CFAP61: variants seen among roughly 807,000 people sequenced by gnomAD.
CFAP61 encodes the protein cilia- and flagella-associated protein 61.
A neutral mutation model predicts 135.6 loss-of-function variants in CFAP61; 107 were observed. The ratio of observed to expected loss-of-function variants is 0.79; its 90% confidence interval spans 0.67 to 0.93. The LOEUF (loss-of-function observed/expected upper bound fraction) is 0.93, where lower values mean the gene tolerates loss of function less well. CFAP61 is among the 40% of genes least tolerant of loss of function. The pLI is 0.00. For synonymous variants in CFAP61, 575 were observed against 578.5 expected (o/e 0.99, Z 0.09); for missense variants, 1,507 against 1,556.2 (o/e 0.97, Z 0.53).
At chr20:20,350,925 T>A (rs943700663) in intron 26 of CFAP61, among the ~76,000 whole-genome samples, 2 of 151,900 alleles carry the variant, frequency 1.3e-5, no homozygotes, top group African/African-American at 4.8e-5. Context: ...ATAAAAAACC[T>A]CTCAACAATT....
chr20:20,327,430 A>G (rs192627185), intron 25 of CFAP61, among the ~76,000 whole-genome samples: 9 of 152,272 alleles, frequency 5.9e-5, no homozygotes, highest in Admixed American at 5.9e-4. Context: ...AGGAACATTA[A>G]TGCACCTTCT....
intron 21 of CFAP61, among the ~76,000 whole-genome samples, chr20:20,268,743 T>A (rs2053021893): frequency 6.6e-6 from 1 of 152,172 alleles, no homozygotes; most frequent in Non-Finnish European, 1.5e-5. Flanking sequence ...CGATACATTA[T>A]AACAATTTAT....
intron 20 of CFAP61, among the ~76,000 whole-genome samples, chr20:20,257,656 A>G (rs2051746966): frequency 6.6e-6 from 1 of 151,906 alleles, no homozygotes; most frequent in Non-Finnish European, 1.5e-5. Context: ...AGAAAGAAAG[A>G]AAATATAGAA....
chr20:20,173,423 A>T (rs1186693163), intron 13 of CFAP61, among the ~76,000 whole-genome samples: 1 of 152,176 alleles, frequency 6.6e-6, no homozygotes, highest in African/African-American at 2.4e-5. Context: ...CCGCTGCTAC[A>T]CACCCTTGCC....
intron 25 of CFAP61, among the ~76,000 whole-genome samples, chr20:20,318,520 G>C (rs2057266229): frequency 1.3e-5 from 2 of 152,190 alleles, no homozygotes; most frequent in African/African-American, 2.4e-5. Context: ...TGCAGGGCTG[G>C]CACCGGAGGC....
chr20:20,309,708 CA>C (rs111689188), intron 25 of CFAP61, among the ~76,000 whole-genome samples: 108 of 147,632 alleles, frequency 7.3e-4, no homozygotes, highest in Non-Finnish European at 1.2e-3. Flanking sequence ...GAAGATTGGC[CA>C]AAAAAAAAAT....
Position 20,200,756 on chromosome 20 carries a change from G to A in CFAP61, c.1932+854G>A, listed in dbSNP as rs142652021. ...GGAGCTGCCCCTCAGAGCTGGAGACGATGCTGAAATAAACACCTCGCAATA... is the reference window on the plus strand; with the variant it reads ...GGAGCTGCCCCTCAGAGCTGGAGACAATGCTGAAATAAACACCTCGCAATA... On this transcript the variant is annotated intron_variant, in intron 17 of 26. Coordinates refer to ENST00000245957, the MANE Select transcript of CFAP61 (RefSeq NM_015585.4). 2,327 of 985,382 alleles carry A rather than the reference G, an allele frequency of 2.4e-3. 5 individuals are homozygous for A. The highest frequency in any genetic ancestry group is 4.9e-3 in the Admixed American group (79 of 16,280). The allele number at this position is 985,382 out of a possible 1,614,324, so 61.0% of individuals were successfully genotyped here. A position where few individuals can be genotyped will look rare whatever the true frequency, so the allele number is the denominator to read the frequency against.
intron 25 of CFAP61, among the ~76,000 whole-genome samples, chr20:20,308,038 C>T (rs368591879): frequency 1.2e-4 from 18 of 152,316 alleles, no homozygotes; most frequent in African/African-American, 4.3e-4. Context: ...AACATTGTTT[C>T]ATGCATTGTC....
chr20:20,254,615 A>C (rs2051367252), intron 20 of CFAP61, among the ~76,000 whole-genome samples: 1 of 152,220 alleles, frequency 6.6e-6, no homozygotes, highest in Non-Finnish European at 1.5e-5. Context: ...GTGGTACAGA[A>C]AGGGCAGCTG....
chr20:20,166,050 A>G (rs974566148), intron 11 of CFAP61, among the ~76,000 whole-genome samples: 1 of 152,246 alleles, frequency 6.6e-6, no homozygotes, highest in African/African-American at 2.4e-5. Context: ...AACAGATAAA[A>G]GGGAAACAGA....
chr20:20,160,093 G>A (rs1352442118), intron 10 of CFAP61, among the ~76,000 whole-genome samples: 1 of 152,214 alleles, frequency 6.6e-6, no homozygotes, highest in Non-Finnish European at 1.5e-5. Flanking sequence ...TGTGAACCCT[G>A]CTCAGGATCT....
At chr20:20,239,825 A>G (rs557677942) in intron 18 of CFAP61, among the ~76,000 whole-genome samples, 12 of 152,330 alleles carry the variant, frequency 7.9e-5, no homozygotes, top group African/African-American at 2.2e-4. Context: ...AGAGGTTTCC[A>G]GTAGCTGTGT....
At chr20:20,118,293 C>A (rs1280914064) in intron 8 of CFAP61, among the ~76,000 whole-genome samples, 3 of 104,970 alleles carry the variant, frequency 2.9e-5, no homozygotes, top group African/African-American at 1.0e-4. Flanking sequence ...TTCTTTCTTT[C>A]TTTCTTTCTT....
intron 6 of CFAP61, among the ~76,000 whole-genome samples, chr20:20,081,224 G>T (rs1304579612): frequency 6.6e-6 from 1 of 152,100 alleles, no homozygotes; most frequent in East Asian, 1.9e-4. Context: ...AATTCCAAAG[G>T]ATTGGGCAGG....
At chr20:20,298,029 G>A (rs2055775130) in intron 24 of CFAP61, 152 bp from the exon 25 acceptor site, 2 of 605,814 alleles carry the variant, frequency 3.3e-6, no homozygotes, top group East Asian at 2.8e-5. Flanking sequence ...GTCACCTTCT[G>A]CCGAGTTTAG....
intron 21 of CFAP61, among the ~76,000 whole-genome samples, chr20:20,276,496 G>A (rs183187663): frequency 7.4e-4 from 113 of 152,306 alleles, no homozygotes; most frequent in Admixed American, 1.6e-3. Flanking sequence ...AATGTAAATA[G>A]TATAGACTAT....
At chr20:20,142,298 AGT>A (rs1470191803) in intron 8 of CFAP61, among the ~76,000 whole-genome samples, 3 of 152,234 alleles carry the variant, frequency 2.0e-5, no homozygotes, top group African/African-American at 7.2e-5. Flanking sequence ...GAAATAGAAA[AGT>A]GAGCATTGTG....
intron 2 of CFAP61, among the ~76,000 whole-genome samples, chr20:20,070,506 T>C (rs1468856809): frequency 6.6e-6 from 1 of 152,150 alleles, no homozygotes; most frequent in African/African-American, 2.4e-5. Flanking sequence ...TAACCATAGA[T>C]GTTTAGGCCA....
At chr20:20,152,047 G>T (rs2052479426) in intron 9 of CFAP61, among the ~76,000 whole-genome samples, 1 of 152,046 alleles carries the variant, frequency 6.6e-6, no homozygotes, top group African/African-American at 2.4e-5. Context: ...AGCCAGAAGG[G>T]ATTGGGTCCT....
Sources: allele counts gnomAD v4.1 joint callset (sites outside exome capture counted in the v4.1 genomes callset), GRCh38; gene constraint gnomAD v4.1.1; transcripts MANE v1.5; gene names NCBI Gene and HGNC (gene_info 2026-07-23, HGNC 2026-07-21).